Variants in OVOL2 observed in about 807,000 individuals in gnomAD.
The protein encoded by OVOL2 is ovo like zinc finger 2, also known as transcription factor Ovo-like 2.
Under a neutral mutation model 18.1 loss-of-function variants are expected in OVOL2, and 13 were observed. That is an observed-to-expected ratio of 0.72 (90% CI 0.47 to 1.14). The LOEUF (loss-of-function observed/expected upper bound fraction) is 1.14, where lower values mean the gene tolerates loss of function less well. OVOL2 is among the 50% of genes most tolerant of loss of function. The pLI is 0.00. For synonymous variants in OVOL2, 166 were observed against 162.7 expected (o/e 1.02, Z -0.16); for missense variants, 335 against 383.0 (o/e 0.87, Z 1.05).
rs190743196 is a variant in OVOL2, at chr20:18,034,428, G to T, written c.511+7106C>A. Among the ~76,000 whole-genome samples the T allele has an allele frequency of 3.9e-3, 598 of 152,238 alleles. 4 individuals are homozygous for T. The highest frequency in any genetic ancestry group is 0.013 in the African/African-American group (555 of 41,554). ...ACAGCAAAACCCATGCTCATCCTCT[G>T]CCCTCACAGGCTCCACTTGACAGCC... On this transcript the variant is annotated intron_variant, in intron 3 of 3. Transcript: ENST00000278780.
chr20:18,039,270 AC>A (rs1268861519), intron 3 of OVOL2, among the ~76,000 whole-genome samples: 1 of 152,194 alleles, frequency 6.6e-6, no homozygotes, highest in Non-Finnish European at 1.5e-5. Context: ...TGAGGTCGGC[AC>A]TTAGGATCTG....
rs532057890 is a variant in OVOL2, at chr20:18,040,125, T to C, written c.511+1409A>G. Among the ~76,000 whole-genome samples the C allele has an allele frequency of 7.8e-4, 119 of 152,262 alleles. No individual in the cohort carries two copies. In the Middle Eastern group the frequency reaches 0.01, roughly 13 times the overall value. On this transcript the variant is annotated intron_variant, in intron 3 of 3. Transcript: ENST00000278780. The stretch of plus-strand genomic sequence containing the variant: ...TTTTCTTGGGGAGACAGTCTTTCGA[T>C]GTTGCCCAGGCTGGTCTCCAACTCT...
chr20:18,039,392 C>A (rs528325630), intron 3 of OVOL2, among the ~76,000 whole-genome samples: 74 of 151,830 alleles, frequency 4.9e-4, no homozygotes, highest in African/African-American at 1.6e-3. Flanking sequence ...GAGGCCAAGG[C>A]GGGTGGATGG....
At position 18,024,603 on chromosome 20, in the gene OVOL2, C is replaced by T; in HGVS notation, c.*33G>A. On this transcript the variant is annotated 3_prime_UTR_variant, in exon 4 of 4. Coordinates refer to ENST00000278780, the MANE Select transcript of OVOL2 (RefSeq NM_021220.4). Reference sequence around the variant, plus strand: ...CAAAAATCCACGTAGACATACGTGGCAGTGTGAACGTCTGTCCTCCCCTTC... The same window carrying T: ...CAAAAATCCACGTAGACATACGTGGTAGTGTGAACGTCTGTCCTCCCCTTC... 6.5e-7 allele frequency: 1 copy of T among 1,527,098 alleles called. No homozygotes were observed. The highest frequency in any genetic ancestry group is 8.8e-7 in the Non-Finnish European group (1 of 1,133,440). 94.6% of individuals were successfully genotyped at this position (1,527,098 alleles called of 1,614,324 possible). A position where few individuals can be genotyped will look rare whatever the true frequency, so the allele number is the denominator to read the frequency against.
chr20:18,050,413 G>A (rs1336101183), intron 2 of OVOL2, among the ~76,000 whole-genome samples: 2 of 152,224 alleles, frequency 1.3e-5, no homozygotes, highest in Non-Finnish European at 2.9e-5. Flanking sequence ...GCCCAGTTCT[G>A]CTCTGTGGCT....
In OVOL2 at chr20:18,056,023, G is replaced by A. The variant is rs893625442; in HGVS notation, c.321+634C>T. 5.9e-5 allele frequency among the ~76,000 whole-genome samples: 9 copies of A among 152,200 alleles called. No individual in the cohort carries two copies. Among genetic ancestry groups the A allele is most frequent in the Non-Finnish European group, 1.3e-4 (9 of 68,046 alleles). The stretch of plus-strand genomic sequence containing the variant: ...AAACACTCCAATCCACTGGGGTAGG[G>A]GCGCTCGAGAAATCTGTAGTTGAAC... On this transcript the variant is annotated intron_variant, in intron 2 of 3. Transcript: ENST00000278780. This position sits in a 1 kb window ranked among gnomAD's most constrained non-coding sequence, Gnocchi z 4.2.
intron 3 of OVOL2, among the ~76,000 whole-genome samples, chr20:18,040,628 C>G (rs1233636882): frequency 6.6e-6 from 1 of 152,108 alleles, no homozygotes; most frequent in Non-Finnish European, 1.5e-5. Context: ...CAGATAGAAG[C>G]AGTGAGGCCG....
rs556311647 is a variant in OVOL2, at chr20:18,024,588, C to G, written c.*48G>C. 6.7e-7 allele frequency: 1 copy of G among 1,496,220 alleles called. No homozygotes were observed. 92.7% of individuals were successfully genotyped at this position (1,496,220 alleles called of 1,614,324 possible). On this transcript the variant is annotated 3_prime_UTR_variant, in exon 4 of 4. Coordinates refer to ENST00000278780, the MANE Select transcript of OVOL2 (RefSeq NM_021220.4). ...GGGGAAGCTGAAAACCAAAAATCCA[C>G]GTAGACATACGTGGCAGTGTGAACG...
chr20:18,032,609 C>A (rs148680632), intron 3 of OVOL2, among the ~76,000 whole-genome samples: 1,943 of 152,162 alleles, frequency 0.013, 35 homozygotes, highest in African/African-American at 0.044. Context: ...CGAGTTCAAG[C>A]GATTCTCCTA....
intron 3 of OVOL2, among the ~76,000 whole-genome samples, chr20:18,039,607 CA>C (rs111619803): frequency 0.088 from 7,655 of 86,980 alleles, 756 homozygotes; most frequent in African/African-American, 0.28. Context: ...GACGCTGTCT[CA>C]AAAAAAAAAA....
chr20:18,054,981 G>T, intron 2 of OVOL2, among the ~76,000 whole-genome samples: 1 of 152,004 alleles, frequency 6.6e-6, no homozygotes, highest in African/African-American at 2.4e-5. Flanking sequence ...TCCTTTTTGG[G>T]GGTAGAGGCA....
chr20:18,048,396 C>T lies in OVOL2; in HGVS notation c.322-6673G>A, dbSNP rs1330339110. On this transcript the variant is annotated intron_variant, in intron 2 of 3. Coordinates refer to ENST00000278780, the MANE Select transcript of OVOL2 (RefSeq NM_021220.4). ...ACGAAACTAAAAAGGGAGCCACTAGCTCCCAGTCCTTCATCTGCAACTCTG... is the reference window on the plus strand; with the variant it reads ...ACGAAACTAAAAAGGGAGCCACTAGTTCCCAGTCCTTCATCTGCAACTCTG... Among the ~76,000 whole-genome samples the T allele has an allele frequency of 2.6e-5, 4 of 152,134 alleles. No homozygotes were observed. The East Asian group carries it at 5.8e-4, about 22-fold the overall frequency.
At position 18,057,469 on chromosome 20, in the gene OVOL2, A is replaced by G; in HGVS notation, c.100+66T>C. 6.6e-7 allele frequency: 1 copy of G among 1,511,518 alleles called. No homozygotes were observed. The highest frequency in any genetic ancestry group is 1.2e-5 in the South Asian group (1 of 82,590). 93.6% of individuals were successfully genotyped at this position (1,511,518 alleles called of 1,614,324 possible). On this transcript the variant is annotated intron_variant, in intron 1 of 3. Coordinates refer to ENST00000278780, the MANE Select transcript of OVOL2 (RefSeq NM_021220.4). The surrounding 1 kb of genome is among the most constrained non-coding windows in gnomAD (Gnocchi z 6.3). ...GCCCGCCCCTGCCGATGAGCAGAGA[A>G]GACCCGCCACCCCTTCCCCCACCCC...
chr20:18,024,527 A>T lies in OVOL2; in HGVS notation c.*109T>A. On this transcript the variant is annotated 3_prime_UTR_variant, in exon 4 of 4. Transcript: ENST00000278780. ...ATGTTTCAAAAGGACACAGAGGTGA[A>T]CTGGTCACTTCTAATTAAGAAGAGC... 6.9e-7 allele frequency: 1 copy of T among 1,454,140 alleles called. No homozygotes were observed. The highest frequency in any genetic ancestry group is 9.1e-7 in the Non-Finnish European group (1 of 1,102,164). 90.1% of individuals were successfully genotyped at this position (1,454,140 alleles called of 1,614,324 possible). A position where few individuals can be genotyped will look rare whatever the true frequency, so the allele number is the denominator to read the frequency against.
chr20:18,031,213 G>A lies in OVOL2; in HGVS notation c.512-6261C>T, dbSNP rs186376447. ...GGATCTGCTGCTTATTAACTGAAACGGGGGCGGCTGCTCCAGCCCGAAAGG... is the reference window on the plus strand; with the variant it reads ...GGATCTGCTGCTTATTAACTGAAACAGGGGCGGCTGCTCCAGCCCGAAAGG... On this transcript the variant is annotated intron_variant, in intron 3 of 3. Transcript: ENST00000278780. Among the ~76,000 whole-genome samples the A allele has an allele frequency of 7.9e-5, 12 of 152,242 alleles. No homozygotes were observed. In the East Asian group the frequency reaches 2.3e-3, roughly 29 times the overall value.
chr20:18,040,575 A>T (rs1045568209), intron 3 of OVOL2, among the ~76,000 whole-genome samples: 2 of 152,168 alleles, frequency 1.3e-5, no homozygotes, highest in Non-Finnish European at 2.9e-5. Flanking sequence ...AGAGGTGTGG[A>T]CAATGGAGCT....
intron 3 of OVOL2, among the ~76,000 whole-genome samples, chr20:18,028,312 G>T (rs912882167): frequency 2.6e-5 from 4 of 151,574 alleles, no homozygotes; most frequent in Non-Finnish European, 5.9e-5. Flanking sequence ...AAGTAGCTGC[G>T]ACTACAGGTG....
chr20:18,046,439 C>T (rs556166902), intron 2 of OVOL2, among the ~76,000 whole-genome samples: 2 of 152,288 alleles, frequency 1.3e-5, no homozygotes, highest in South Asian at 4.1e-4. Context: ...CCCAGTCAAA[C>T]CCCCAGAAGA....
chr20:18,053,127 C>A (rs983180507), intron 2 of OVOL2, among the ~76,000 whole-genome samples: 3 of 152,198 alleles, frequency 2.0e-5, no homozygotes, highest in Non-Finnish European at 4.4e-5. Context: ...ATCTGCACCT[C>A]GGACTCCTTT....
Sources: allele counts gnomAD v4.1 joint callset (sites outside exome capture counted in the v4.1 genomes callset), GRCh38; gene constraint gnomAD v4.1.1; non-coding constraint Gnocchi (gnomAD v3.1); transcripts MANE v1.5; gene names NCBI Gene and HGNC (gene_info 2026-07-23, HGNC 2026-07-21).